KAZN: variants seen among roughly 807,000 people sequenced by gnomAD.
KAZN encodes kazrin, periplakin interacting protein, also known as kazrin.
In KAZN, 40 loss-of-function variants were observed where a neutral mutation model predicts 87.4. The observed-to-expected ratio is 0.46, with a 90% confidence interval of 0.36 to 0.60. The LOEUF (loss-of-function observed/expected upper bound fraction) is 0.60. KAZN is among the 20% of genes least tolerant of loss of function. The pLI is 0.00. For synonymous variants in KAZN, 466 were observed against 458.3 expected (o/e 1.02, Z -0.22); for missense variants, 898 against 1,073.9 (o/e 0.84, Z 2.29).
rs534797405 is a variant in KAZN, at chr1:14,081,107, T to G, written c.92-99328T>G. ...ACTCTATGGACACACATGGTGTTGG[T>G]TTTTTTTTTTTTAAGGAATTAAATT... On this transcript the variant is annotated intron_variant, in intron 1 of 16. Transcript: ENST00000636203. Among the ~76,000 whole-genome samples the G allele has an allele frequency of 1.9e-3, 211 of 113,404 alleles. 1 individual carries two copies. In the Middle Eastern group the frequency reaches 0.028, roughly 15 times the overall value. 74.4% of individuals were successfully genotyped at this position (113,404 alleles called of 152,430 possible). A position where few individuals can be genotyped will look rare whatever the true frequency, so the allele number is the denominator to read the frequency against.
intron 2 of KAZN, among the ~76,000 whole-genome samples, chr1:14,327,715 C>T (rs1207062787): frequency 6.6e-6 from 1 of 152,154 alleles, no homozygotes; most frequent in Non-Finnish European, 1.5e-5. Flanking sequence ...TGACCCTTTG[C>T]TGAAGCCACT....
At chr1:14,031,844 G>A (rs970575091) in intron 1 of KAZN, among the ~76,000 whole-genome samples, 2 of 152,150 alleles carry the variant, frequency 1.3e-5, no homozygotes, top group African/African-American at 4.8e-5. Context: ...TGTATGAAGT[G>A]GAATTCTGGA....
intron 1 of KAZN, among the ~76,000 whole-genome samples, chr1:14,080,842 C>A (rs997552921): frequency 6.6e-6 from 1 of 152,042 alleles, no homozygotes; most frequent in Non-Finnish European, 1.5e-5. Context: ...TGAAGTTTGA[C>A]CCCCCCAGGG....
intron 1 of KAZN, among the ~76,000 whole-genome samples, chr1:14,012,991 C>A (rs1640387931): frequency 6.6e-6 from 1 of 152,200 alleles, no homozygotes; most frequent in South Asian, 2.1e-4. Context: ...AGACCAGCAT[C>A]CCTGCCCTGA....
intron 1 of KAZN, among the ~76,000 whole-genome samples, chr1:14,778,402 A>G (rs1176120257): frequency 1.3e-5 from 2 of 151,950 alleles, no homozygotes; most frequent in African/African-American, 4.8e-5. Flanking sequence ...AGAAAAAAAA[A>G]AAAAAAAAAA....
intron 3 of KAZN, among the ~76,000 whole-genome samples, chr1:15,036,863 C>T (rs576619416): frequency 3.8e-4 from 58 of 152,286 alleles, no homozygotes; most frequent in African/African-American, 1.3e-3. Flanking sequence ...AACATCCACA[C>T]GGACACTGTG....
At chr1:14,410,640 C>G (rs941286742) in intron 2 of KAZN, among the ~76,000 whole-genome samples, 1 of 152,142 alleles carries the variant, frequency 6.6e-6, no homozygotes. Context: ...CTGGATTACC[C>G]AGGCAGGCCC....
In KAZN at chr1:14,725,340, T is replaced by G. The variant is rs542894532; in HGVS notation, c.226+126117T>G. On this transcript the variant is annotated intron_variant, in intron 1 of 14. Transcript: ENST00000376030. ...CCCCCTCCTTAGGCTCCTGGTGGCATTCTCTACCTCTCCTTTGTGACATTT... is the reference window on the plus strand; with the variant it reads ...CCCCCTCCTTAGGCTCCTGGTGGCAGTCTCTACCTCTCCTTTGTGACATTT... Among the ~76,000 whole-genome samples the G allele has an allele frequency of 3.3e-5, 5 of 152,326 alleles. No individual in the cohort carries two copies. In the South Asian group the frequency reaches 1.0e-3, roughly 32 times the overall value.
chr1:14,681,282 C>T (rs887086908), intron 1 of KAZN, among the ~76,000 whole-genome samples: 1 of 152,198 alleles, frequency 6.6e-6, no homozygotes, highest in Non-Finnish European at 1.5e-5. Flanking sequence ...TATTGATGGA[C>T]ACTTGGATTG....
chr1:14,648,315 G>A (rs1056222013), intron 1 of KAZN, among the ~76,000 whole-genome samples: 3 of 152,198 alleles, frequency 2.0e-5, no homozygotes, highest in Admixed American at 6.5e-5. Flanking sequence ...TGCTGGGAAT[G>A]TGCTATTATT....
chr1:14,674,198 C>T (rs535590886), intron 1 of KAZN, among the ~76,000 whole-genome samples: 2 of 152,306 alleles, frequency 1.3e-5, no homozygotes, highest in Admixed American at 1.3e-4. Flanking sequence ...CTGGCTTCTC[C>T]AGCAGATCTC....
rs548311410 is a variant in KAZN, at chr1:14,773,606, A to G, written c.226+174383A>G. Among the ~76,000 whole-genome samples the G allele has an allele frequency of 7.9e-5, 12 of 152,272 alleles. No individual in the cohort carries two copies. The East Asian group carries it at 2.3e-3, about 29-fold the overall frequency. Reference sequence around the variant, plus strand: ...TTTCCAGAGCCATAGGGAGTTGGAAATGAGGTCAGGCACCCGCCACCCGGT... The same window carrying G: ...TTTCCAGAGCCATAGGGAGTTGGAAGTGAGGTCAGGCACCCGCCACCCGGT... On this transcript the variant is annotated intron_variant, in intron 1 of 14. Coordinates refer to ENST00000376030, the MANE Select transcript of KAZN (RefSeq NM_201628.3). The surrounding 1 kb of genome is among the most constrained non-coding windows in gnomAD (Gnocchi z 5.9).
At chr1:14,295,221 GA>G (rs1188746557) in intron 2 of KAZN, among the ~76,000 whole-genome samples, 1 of 152,192 alleles carries the variant, frequency 6.6e-6, no homozygotes. Context: ...AGGCCCTGAT[GA>G]CATTTCTGTC....
intron 1 of KAZN, among the ~76,000 whole-genome samples, chr1:13,970,299 C>G (rs773971940): frequency 3.9e-5 from 6 of 152,164 alleles, no homozygotes; most frequent in Non-Finnish European, 5.9e-5. Context: ...GATAATAGCT[C>G]ACATTTATTG....
rs1000128376 is a variant in KAZN at position 15,021,384 on chromosome 1, C to T, written c.419-13365C>T. 3.3e-5 allele frequency among the ~76,000 whole-genome samples: 5 copies of T among 152,260 alleles called. No individual in the cohort carries two copies. The highest frequency in any genetic ancestry group is 9.6e-5 in the African/African-American group (4 of 41,546). On this transcript the variant is annotated intron_variant, in intron 2 of 14. Transcript: ENST00000376030. This position sits in a 1 kb window ranked among gnomAD's most constrained non-coding sequence, Gnocchi z 4.2. ...TTCAACCTAGGGAATGTCCGTGTTC[C>T]GGGCCCATTCCCTGCCACTATTTTT...
chr1:14,310,044 A>G (rs1227191199), intron 2 of KAZN, among the ~76,000 whole-genome samples: 1 of 152,150 alleles, frequency 6.6e-6, no homozygotes, highest in African/African-American at 2.4e-5. Context: ...GGACTTGCCA[A>G]TGGCATTGGA....
chr1:14,932,282 T>C (rs1328012865), intron 1 of KAZN, among the ~76,000 whole-genome samples: 1 of 142,760 alleles, frequency 7.0e-6, no homozygotes, highest in Non-Finnish European at 1.5e-5. Flanking sequence ...GTCCCTTTCA[T>C]TGTCGGGCGT....
intron 2 of KAZN, among the ~76,000 whole-genome samples, chr1:14,989,077 G>T (rs1557690969): frequency 6.6e-6 from 1 of 152,208 alleles, no homozygotes; most frequent in Non-Finnish European, 1.5e-5. Flanking sequence ...GGGACAGCAG[G>T]CTTTCCTGGA....
At chr1:14,832,891 C>G (rs889658995) in intron 1 of KAZN, among the ~76,000 whole-genome samples, 2 of 152,172 alleles carry the variant, frequency 1.3e-5, no homozygotes, top group African/African-American at 4.8e-5. Context: ...TATTGGAACC[C>G]AAGCGTGCTC....
Sources: gnomAD v4.1 joint callset for allele counts (sites outside exome capture counted in the v4.1 genomes callset) on GRCh38, gnomAD v4.1.1 for gene constraint, Gnocchi (gnomAD v3.1) non-coding constraint, MANE v1.5 for transcripts, NCBI Gene and HGNC (gene_info 2026-07-23, HGNC 2026-07-21) for gene names.